The following SGCD variants were observed in gnomAD, a reference collection of about 807,000 sequenced individuals.
The protein encoded by SGCD is sarcoglycan delta.
In SGCD, 18 loss-of-function variants were observed where a neutral mutation model predicts 36.6. The ratio of observed to expected loss-of-function variants is 0.49; its 90% CI spans 0.34 to 0.73. SGCD has a LOEUF of 0.73. Ranked by LOEUF, SGCD falls within the 30% of genes least tolerant of loss-of-function variation. SGCD has a pLI of 0.01. For missense variants in SGCD, 387 were observed against 346.7 expected (o/e 1.12, Z -0.92); for synonymous variants, 133 against 130.6 (o/e 1.02, Z -0.12).
chr5:156,688,919 T>G (rs963214355), intron 7 of SGCD, among the ~76,000 whole-genome samples: 2 of 152,246 alleles, frequency 1.3e-5, no homozygotes, highest in Non-Finnish European at 2.9e-5. Context: ...CTTCAAAAAC[T>G]GATTCAAACC....
intron 1 of SGCD, among the ~76,000 whole-genome samples, chr5:155,900,582 A>G (rs1420372689): frequency 3.4e-5 from 1 of 29,104 alleles, no homozygotes; most frequent in Non-Finnish European, 7.2e-5. Flanking sequence ...CCCTCCCCCC[A>G]CTCCACAACA....
chr5:155,807,025 T>G, the SGCD span, among the ~76,000 whole-genome samples: 4 of 152,228 alleles, frequency 2.6e-5, no homozygotes, highest in African/African-American at 9.6e-5. Flanking sequence ...ATGTGCATAA[T>G]ACATAAATGC....
intron 3 of SGCD, among the ~76,000 whole-genome samples, chr5:156,246,755 G>A (rs189087304): frequency 6.6e-6 from 1 of 152,262 alleles, no homozygotes; most frequent in East Asian, 1.9e-4. Flanking sequence ...ATGCCACTGT[G>A]TAATTCAGCA....
At chr5:156,069,697 C>A (rs1262227062) in intron 1 of SGCD, among the ~76,000 whole-genome samples, 1 of 150,952 alleles carries the variant, frequency 6.6e-6, no homozygotes, top group South Asian at 2.1e-4. Context: ...GGCATTGAAT[C>A]TATAAATTCC....
intron 7 of SGCD, among the ~76,000 whole-genome samples, chr5:156,673,340 T>A (rs1329751979): frequency 1.3e-5 from 2 of 152,188 alleles, no homozygotes; most frequent in Non-Finnish European, 2.9e-5. Flanking sequence ...AACTTCACAT[T>A]CCTTTTTTGT....
intron 3 of SGCD, among the ~76,000 whole-genome samples, chr5:156,228,047 A>C (rs371872143): frequency 6.6e-6 from 1 of 152,046 alleles, no homozygotes; most frequent in Non-Finnish European, 1.5e-5. Context: ...ATTGAGGCTC[A>C]TTTTGTGTCA....
intron 3 of SGCD, among the ~76,000 whole-genome samples, chr5:156,369,959 C>G (rs1047619698): frequency 6.6e-6 from 1 of 152,102 alleles, no homozygotes; most frequent in Non-Finnish European, 1.5e-5. Flanking sequence ...TCAAAATGGC[C>G]TTAATGGCCC....
intron 7 of SGCD, among the ~76,000 whole-genome samples, chr5:156,691,122 G>T (rs141748485): frequency 1.4e-5 from 2 of 142,242 alleles, no homozygotes; most frequent in African/African-American, 5.2e-5. Context: ...CAGGACAATC[G>T]CTTGAACCTA....
chr5:156,226,009 A>G (rs1418243943), intron 3 of SGCD, among the ~76,000 whole-genome samples: 3 of 152,152 alleles, frequency 2.0e-5, no homozygotes, highest in Non-Finnish European at 2.9e-5. Flanking sequence ...GTGTGCAAGT[A>G]TTAGAAACAG....
intron 1 of SGCD, among the ~76,000 whole-genome samples, chr5:156,021,418 G>A (rs563822482): frequency 1.3e-5 from 2 of 152,278 alleles, no homozygotes; most frequent in Non-Finnish European, 2.9e-5. Context: ...TACTTGGGAA[G>A]TTAAGGTGGG....
intron 5 of SGCD, among the ~76,000 whole-genome samples, chr5:156,594,490 C>T (rs1449359322): frequency 6.6e-6 from 1 of 152,114 alleles, no homozygotes; most frequent in Non-Finnish European, 1.5e-5. Flanking sequence ...CAAAGTTAAA[C>T]ACATTTCAGC....
intron 7 of SGCD, among the ~76,000 whole-genome samples, chr5:156,719,921 TAC>T (rs1198048059): frequency 6.6e-6 from 1 of 152,038 alleles, no homozygotes; most frequent in Non-Finnish European, 1.5e-5. Context: ...TCACAAGGAT[TAC>T]ACAGTTCTCC....
At chr5:155,989,162 C>G (rs562328484) in intron 1 of SGCD, among the ~76,000 whole-genome samples, 30 of 152,128 alleles carry the variant, frequency 2.0e-4, no homozygotes, top group Non-Finnish European at 3.8e-4. Flanking sequence ...CTGCTATTTG[C>G]TTAATTCAAG....
chr5:156,394,295 T>A (rs940196483), intron 3 of SGCD, among the ~76,000 whole-genome samples: 1 of 152,232 alleles, frequency 6.6e-6, no homozygotes, highest in Non-Finnish European at 1.5e-5. Flanking sequence ...TTATAAACTA[T>A]TTTTTACACA....
At chr5:156,222,116 C>T (rs1218824142) in intron 3 of SGCD, among the ~76,000 whole-genome samples, 1 of 152,004 alleles carries the variant, frequency 6.6e-6, no homozygotes, top group East Asian at 1.9e-4. Flanking sequence ...TTCAGTTCTG[C>T]TCTTTTCATT....
At chr5:156,728,925 CTCTA>C (rs560220965) in intron 7 of SGCD, among the ~76,000 whole-genome samples, 69 of 152,240 alleles carry the variant, frequency 4.5e-4, no homozygotes, top group African/African-American at 1.6e-3. Context: ...GATAATAATC[CTCTA>C]TCTTTGTTTA....
chr5:156,060,071 T>A lies in SGCD; in HGVS notation c.-281-57807T>A, dbSNP rs149575674. Reference sequence around the variant, plus strand: ...AAATCCTGTATAAATTATGAACTCTTCATACAGAACAATTAATCTAAAATA... The same window carrying A: ...AAATCCTGTATAAATTATGAACTCTACATACAGAACAATTAATCTAAAATA... On this transcript the variant is annotated intron_variant, in intron 1 of 9. Transcript: ENST00000517913. 3.7e-3 allele frequency among the ~76,000 whole-genome samples: 536 copies of A among 146,758 alleles called. 35 individuals are homozygous for A. The highest frequency in any genetic ancestry group is 0.013 in the African/African-American group (511 of 40,858).
chr5:156,506,753 C>G (rs1371965634), intron 3 of SGCD, among the ~76,000 whole-genome samples: 1 of 152,112 alleles, frequency 6.6e-6, no homozygotes, highest in African/African-American at 2.4e-5. Context: ...TTGGAAGATA[C>G]TAGGTGGAAG....
At chr5:156,596,293 A>C (rs1760923652) in intron 6 of SGCD, among the ~76,000 whole-genome samples, 1 of 152,174 alleles carries the variant, frequency 6.6e-6, no homozygotes, top group African/African-American at 2.4e-5. Flanking sequence ...CTCTAGAATT[A>C]GCCTGTTTTT....
Sources: gnomAD v4.1 joint callset for allele counts (sites outside exome capture counted in the v4.1 genomes callset) on GRCh38, gnomAD v4.1.1 for gene constraint, MANE v1.5 for transcripts, NCBI Gene and HGNC (gene_info 2026-07-23, HGNC 2026-07-21) for gene names.